The following LRRC7 variants were observed in gnomAD, a reference collection of about 807,000 sequenced individuals.
LRRC7 encodes the protein leucine rich repeat containing 7, also known as leucine-rich repeat-containing protein 7.
A neutral mutation model predicts 175.7 loss-of-function variants in LRRC7; 23 were observed. That is an observed-to-expected ratio of 0.13 (90% CI 0.09 to 0.19). LRRC7 has a LOEUF of 0.19. Among genes scored for constraint, LRRC7 ranks in the 10% least tolerant of loss-of-function variants. The pLI is 1.00. For missense variants in LRRC7, 1,354 were observed against 1,904.7 expected (o/e 0.71, Z 5.38); for synonymous variants, 685 against 680.9 (o/e 1.01, Z -0.09).
At chr1:69,674,305 G>A (rs1178943212) in intron 1 of LRRC7, among the ~76,000 whole-genome samples, 2 of 152,076 alleles carry the variant, frequency 1.3e-5, no homozygotes, top group African/African-American at 4.8e-5. Context: ...AGAAAAGATT[G>A]GTTAAATCTT....
At chr1:69,764,398 G>T (rs1671373426) in intron 3 of LRRC7, among the ~76,000 whole-genome samples, 1 of 151,848 alleles carries the variant, frequency 6.6e-6, no homozygotes, top group African/African-American at 2.4e-5. Flanking sequence ...TTTTGGAAAA[G>T]CCAACATATG....
At chr1:69,573,877 A>G (rs570515017) in intron 1 of LRRC7, among the ~76,000 whole-genome samples, 2 of 152,326 alleles carry the variant, frequency 1.3e-5, no homozygotes, top group African/African-American at 2.4e-5. Context: ...TAACATTGAC[A>G]TGATGTGTTT....
intron 1 of LRRC7, among the ~76,000 whole-genome samples, chr1:69,619,065 C>T (rs61782218): frequency 0.053 from 8,064 of 152,038 alleles, 250 homozygotes; most frequent in Admixed American, 0.068. Flanking sequence ...TGTCTCAGTC[C>T]AGTGTAGATC....
chr1:69,876,410 A>T (rs1340108062), intron 7 of LRRC7, among the ~76,000 whole-genome samples: 1 of 152,172 alleles, frequency 6.6e-6, no homozygotes, highest in Non-Finnish European at 1.5e-5. Flanking sequence ...ATAAGTTAAT[A>T]AAGACTGATA....
chr1:70,065,184 A>G (rs1005026915), intron 23 of LRRC7, among the ~76,000 whole-genome samples: 1 of 151,916 alleles, frequency 6.6e-6, no homozygotes, highest in African/African-American at 2.4e-5. Flanking sequence ...GATACACTAA[A>G]CTATGTAGTA....
chr1:69,710,278 C>CA (rs77553066), intron 2 of LRRC7, among the ~76,000 whole-genome samples: 34,867 of 87,070 alleles, frequency 0.4, 7,006 homozygotes, highest in Middle Eastern at 0.53. Flanking sequence ...GACTCCGTCT[C>CA]AAAAAAAAAA....
At chr1:69,827,044 T>A (rs1679993452) in intron 5 of LRRC7, among the ~76,000 whole-genome samples, 1 of 152,014 alleles carries the variant, frequency 6.6e-6, no homozygotes, top group Non-Finnish European at 1.5e-5. Context: ...TGTTTAAAAA[T>A]TACAGTTTTT....
At chr1:69,647,668 TCAG>T (rs1655193048) in intron 1 of LRRC7, among the ~76,000 whole-genome samples, 4 of 152,174 alleles carry the variant, frequency 2.6e-5, no homozygotes, top group African/African-American at 9.6e-5. Flanking sequence ...AAAATATCTT[TCAG>T]TTCTTCAAAT....
intron 8 of LRRC7, among the ~76,000 whole-genome samples, chr1:69,946,972 G>A (rs897370734): frequency 1.3e-5 from 2 of 151,974 alleles, no homozygotes; most frequent in Admixed American, 6.6e-5. Context: ...CAGCTAATCT[G>A]GAGGCTGAGG....
chr1:69,643,497 C>T (rs1654545143), intron 1 of LRRC7, among the ~76,000 whole-genome samples: 1 of 152,136 alleles, frequency 6.6e-6, no homozygotes, highest in Non-Finnish European at 1.5e-5. Flanking sequence ...AGCACATTCT[C>T]CTCCAGCCTC....
chr1:69,914,502 G>C (rs1158091898), intron 7 of LRRC7, among the ~76,000 whole-genome samples: 1 of 152,138 alleles, frequency 6.6e-6, no homozygotes, highest in African/African-American at 2.4e-5. Flanking sequence ...ACGGCATTAA[G>C]AGCAAATGTC....
chr1:69,760,177 C>T lies in LRRC7; in HGVS notation c.101-14C>T. 1 of 1,610,392 alleles carries T rather than the reference C, an allele frequency of 6.2e-7. No individual in the cohort carries two copies. Among genetic ancestry groups the T allele is most frequent in the Non-Finnish European group, 8.5e-7 (1 of 1,177,544 alleles). ...TAAGCTGTTTTGTTTTGTTTTGTTT[C>T]TGCGTTTCTCTAGTGCAGTGCCTGG... On this transcript the variant is annotated splice_polypyrimidine_tract_variant and intron_variant, in intron 2 of 26. Transcript: ENST00000651989.
In LRRC7 at chr1:70,011,858, A is replaced by G. The variant is rs79675598; in HGVS notation, c.1066A>G (p.Ile356Val). ...CNELESLPST[I>V]GYLHSLRTLA... ...TGAACTGGAGTCACTACCTTCTACTATTGGCTACCTTCATAGTCTTCGGAC... is the reference window on the plus strand; with the variant it reads ...TGAACTGGAGTCACTACCTTCTACTGTTGGCTACCTTCATAGTCTTCGGAC... Residue 356 changes from isoleucine to valine, a missense_variant, in exon 12 of 27, where the codon ATT becomes GTT. By Grantham distance (29) the Ile-to-Val change is conservative. This residue lies in a region of LRRC7 where 201 missense variants were observed against 481.4 expected (regional missense o/e 0.42). Transcript: ENST00000651989. 1.3e-6 allele frequency: 2 copies of G among 1,591,622 alleles called. No individual in the cohort carries two copies. The highest frequency in any genetic ancestry group is 8.6e-7 in the Non-Finnish European group (1 of 1,160,110).
chr1:70,078,810 GCACACACACACA>G (rs374404537), intron 24 of LRRC7, among the ~76,000 whole-genome samples: 4 of 141,212 alleles, frequency 2.8e-5, no homozygotes, highest in African/African-American at 8.3e-5. Flanking sequence ...GCGCGCGCGC[GCACACACACACA>G]CGCACACACA....
chr1:70,117,766 T>C (rs1010471954), intron 26 of LRRC7, among the ~76,000 whole-genome samples: 3 of 152,182 alleles, frequency 2.0e-5, no homozygotes, highest in African/African-American at 7.2e-5. Flanking sequence ...AAGCCATTTA[T>C]TTCTCATTTT....
In LRRC7 at chr1:69,782,650, G is replaced by A. The variant is rs184066299; in HGVS notation, c.304-9393G>A. On this transcript the variant is annotated intron_variant, in intron 3 of 26. Coordinates refer to ENST00000651989, the MANE Select transcript of LRRC7 (RefSeq NM_001370785.2). The stretch of plus-strand genomic sequence containing the variant: ...GGAAATGGCAAGATGAGAAATTGGA[G>A]AGGCGAAGAGCCTTGAAAGCCACAT... Among the ~76,000 whole-genome samples the A allele has an allele frequency of 1.1e-4, 16 of 152,290 alleles. No homozygotes were observed. In the East Asian group the frequency reaches 3.1e-3, roughly 29 times the overall value.
chr1:69,695,774 G>A (rs1186653816), intron 2 of LRRC7, among the ~76,000 whole-genome samples: 4 of 152,230 alleles, frequency 2.6e-5, no homozygotes. Flanking sequence ...GTACAGCTTG[G>A]ACTGTCACTT....
At chr1:69,882,711 C>T (rs2101617227) in intron 7 of LRRC7, among the ~76,000 whole-genome samples, 1 of 151,000 alleles carries the variant, frequency 6.6e-6, no homozygotes, top group African/African-American at 2.4e-5. Flanking sequence ...TGTGCTGCAC[C>T]CACTAACCCG....
At chr1:69,760,665 AAT>A (rs1670938669) in intron 3 of LRRC7, among the ~76,000 whole-genome samples, 1 of 151,956 alleles carries the variant, frequency 6.6e-6, no homozygotes, top group Non-Finnish European at 1.5e-5. Flanking sequence ...CCTCTATAAA[AAT>A]ATAGAGTAGA....
Sources: gnomAD v4.1 joint callset for allele counts (sites outside exome capture counted in the v4.1 genomes callset) on GRCh38, gnomAD v4.1.1 for gene constraint, gnomAD v4.1.1 regional missense constraint, MANE v1.5 for transcripts, NCBI Gene and HGNC (gene_info 2026-07-23, HGNC 2026-07-21) for gene names.